DLG2: variants seen among roughly 807,000 people sequenced by gnomAD.
DLG2 encodes discs large MAGUK scaffold protein 2.
Under a neutral mutation model 132.5 loss-of-function variants are expected in DLG2, and 45 were observed. The ratio of observed to expected loss-of-function variants is 0.34; its 90% CI spans 0.27 to 0.44. DLG2 has a LOEUF of 0.44. DLG2 is among the 20% of genes least tolerant of loss of function. The probability of loss-of-function intolerance (pLI) is 1.00; values close to 1 mark genes in which losing one functional copy is unlikely to be tolerated. For missense variants in DLG2, 1,045 were observed against 1,196.9 expected (o/e 0.87, Z 1.87); for synonymous variants, 424 against 419.6 (o/e 1.01, Z -0.13).
intron 6 of DLG2, among the ~76,000 whole-genome samples, chr11:84,886,214 A>G (rs1392793595): frequency 1.3e-5 from 2 of 152,076 alleles, no homozygotes; most frequent in South Asian, 2.1e-4. Flanking sequence ...TTTATCATCA[A>G]TCTCTGTCAA....
intron 26 of DLG2, among the ~76,000 whole-genome samples, chr11:83,465,340 C>G (rs979315425): frequency 6.6e-5 from 10 of 152,174 alleles, no homozygotes; most frequent in Admixed American, 6.6e-4. Context: ...TGCTTTGCTT[C>G]TTTGTCTTCA....
At chr11:85,219,590 T>C (rs1565175396) in intron 4 of DLG2, among the ~76,000 whole-genome samples, 1 of 151,714 alleles carries the variant, frequency 6.6e-6, no homozygotes, top group Admixed American at 6.6e-5. Context: ...AATCCTGATG[T>C]TCCTTTCCTT....
chr11:84,728,985 T>A (rs550058343), intron 6 of DLG2, among the ~76,000 whole-genome samples: 2 of 152,110 alleles, frequency 1.3e-5, no homozygotes, highest in African/African-American at 4.8e-5. Flanking sequence ...CTCTCTTTTC[T>A]TCTTTATTAA....
Position 83,753,884 on chromosome 11 carries a change from C to CATATATCATATATATGAT in DLG2, c.1825+32805_1825+32806insATCATATATATGATATAT, listed in dbSNP as rs1566833454. Among the ~76,000 whole-genome samples the CATATATCATATATATGAT allele has an allele frequency of 1.0e-3, 19 of 18,754 alleles. 2 individuals carry two copies. The African/African-American group carries it at 0.013, about 13-fold the overall frequency. 12.3% of individuals were successfully genotyped at this position (18,754 alleles called of 152,430 possible). A position where few individuals can be genotyped will look rare whatever the true frequency, so the allele number is the denominator to read the frequency against. On this transcript the variant is annotated intron_variant, in intron 18 of 27. Transcript: ENST00000376104. ...TATATTTCATATATATGATATATATCATATATATCATATATATATTTCATA... is the reference window on the plus strand; with the variant it reads ...TATATTTCATATATATGATATATATCATATATCATATATATGATATATATATCATATATATATTTCATA...
chr11:84,292,400 C>A (rs889534782), intron 7 of DLG2, among the ~76,000 whole-genome samples: 7 of 152,172 alleles, frequency 4.6e-5, no homozygotes, highest in Admixed American at 2.0e-4. Flanking sequence ...TCACCCCTGC[C>A]TCCTGGGAGT....
At chr11:84,624,875 T>TTTTTTTTTTTTTA (rs1381895712) in intron 6 of DLG2, among the ~76,000 whole-genome samples, 1 of 127,424 alleles carries the variant, frequency 7.8e-6, no homozygotes, top group Non-Finnish European at 1.6e-5. Context: ...TTTTTTTTTT[T>TTTTTTTTTTTTTA]GAGACGGAGT....
At chr11:85,180,987 A>C (rs2079651992) in intron 4 of DLG2, among the ~76,000 whole-genome samples, 1 of 151,788 alleles carries the variant, frequency 6.6e-6, no homozygotes, top group Non-Finnish European at 1.5e-5. Context: ...TCAAATAGAC[A>C]ATTTTTTAAT....
At chr11:84,912,654 G>A (rs1305148967) in intron 6 of DLG2, among the ~76,000 whole-genome samples, 1 of 152,156 alleles carries the variant, frequency 6.6e-6, no homozygotes, top group Non-Finnish European at 1.5e-5. Context: ...TGGAGATGAC[G>A]GATTTTCAAC....
At chr11:83,518,778 T>C (rs2095384408) in intron 21 of DLG2, among the ~76,000 whole-genome samples, 1 of 152,194 alleles carries the variant, frequency 6.6e-6, no homozygotes, top group Admixed American at 6.5e-5. Flanking sequence ...TATATGTATA[T>C]ATTTGTACTT....
chr11:84,170,682 T>C (rs1044421936), intron 8 of DLG2, among the ~76,000 whole-genome samples: 1 of 152,212 alleles, frequency 6.6e-6, no homozygotes, highest in Non-Finnish European at 1.5e-5. Context: ...CAGAATGTTC[T>C]ACTGGAGACA....
chr11:84,290,838 T>G (rs572732704), intron 7 of DLG2, among the ~76,000 whole-genome samples: 1 of 152,290 alleles, frequency 6.6e-6, no homozygotes, highest in Non-Finnish European at 1.5e-5. Flanking sequence ...GGTTTTAATG[T>G]GAGTCATCCA....
At chr11:84,508,559 T>G (rs1004797251) in intron 7 of DLG2, among the ~76,000 whole-genome samples, 1 of 151,898 alleles carries the variant, frequency 6.6e-6, no homozygotes, top group African/African-American at 2.4e-5. Context: ...CCCCCCACCA[T>G]GCCTGGCTAA....
chr11:83,838,633 G>C (rs953305802), intron 16 of DLG2, among the ~76,000 whole-genome samples: 1 of 152,176 alleles, frequency 6.6e-6, no homozygotes, highest in African/African-American at 2.4e-5. Context: ...ATATGGATTT[G>C]TGGCTTCACA....
At chr11:84,923,128 T>A (rs1331873256) in intron 6 of DLG2, 4 of 1,613,560 alleles carry the variant, frequency 2.5e-6, no homozygotes. Flanking sequence ...TTGCAGTAAA[T>A]AAGGAGCATA....
At chr11:85,233,933 T>G (rs1432698895) in intron 4 of DLG2, among the ~76,000 whole-genome samples, 4 of 151,902 alleles carry the variant, frequency 2.6e-5, no homozygotes, top group Non-Finnish European at 4.4e-5. Flanking sequence ...AAATATTAGC[T>G]TGGCAATTTT....
intron 6 of DLG2, among the ~76,000 whole-genome samples, chr11:84,709,055 T>C (rs140332604): frequency 2.0e-5 from 3 of 151,886 alleles, no homozygotes; most frequent in Non-Finnish European, 4.4e-5. Flanking sequence ...TGTGCTCACA[T>C]GGAAGCTGCT....
chr11:85,477,147 A>C (rs1172061159), intron 3 of DLG2, among the ~76,000 whole-genome samples: 1 of 152,208 alleles, frequency 6.6e-6, no homozygotes, highest in Non-Finnish European at 1.5e-5. Flanking sequence ...GCTGTTCACC[A>C]AAACGTCATT....
intron 6 of DLG2, among the ~76,000 whole-genome samples, chr11:84,675,974 C>T (rs1228219263): frequency 6.6e-6 from 1 of 151,954 alleles, no homozygotes; most frequent in Non-Finnish European, 1.5e-5. Flanking sequence ...GGTTTTTTCT[C>T]TATCCAGATA....
At chr11:84,947,245 T>G (rs2050333450) in intron 6 of DLG2, among the ~76,000 whole-genome samples, 1 of 152,130 alleles carries the variant, frequency 6.6e-6, no homozygotes, top group Admixed American at 6.5e-5. Flanking sequence ...GGATAGTTGG[T>G]CAATGTGTTG....
Sources: allele counts gnomAD v4.1 joint callset (sites outside exome capture counted in the v4.1 genomes callset), GRCh38; gene constraint gnomAD v4.1.1; transcripts MANE v1.5; gene names NCBI Gene and HGNC (gene_info 2026-07-23, HGNC 2026-07-21).